TRIB1: variants seen among roughly 807,000 people sequenced by gnomAD.
TRIB1 encodes the protein tribbles homolog 1.
In TRIB1, 12 loss-of-function variants were observed where a neutral mutation model predicts 27.8. The ratio of observed to expected loss-of-function variants is 0.43; its 90% confidence interval spans 0.28 to 0.70. The LOEUF (loss-of-function observed/expected upper bound fraction) is 0.70, where lower values mean the gene tolerates loss of function less well. TRIB1 is among the 30% of genes least tolerant of loss of function. The pLI is 0.18. For synonymous variants in TRIB1, 230 were observed against 224.9 expected (o/e 1.02, Z -0.20); for missense variants, 475 against 515.8 (o/e 0.92, Z 0.77).
In TRIB1 at chr8:125,430,781, A is replaced by T; in HGVS notation, c.-122A>T. 1 of 1,263,676 alleles carries T rather than the reference A, an allele frequency of 7.9e-7. No individual in the cohort carries two copies. Among genetic ancestry groups the T allele is most frequent in the Non-Finnish European group, 1.0e-6 (1 of 986,482 alleles). The allele number at this position is 1,263,676 out of a possible 1,614,324, so 78.3% of individuals were successfully genotyped here. On this transcript the variant is annotated 5_prime_UTR_variant, in exon 1 of 3. Transcript: ENST00000311922. ...TGCCCCTCGTGGGGGCCGAGCCAAGACCAGTCTGCAAACTCCATCCCGCCG... is the reference window on the plus strand; with the variant it reads ...TGCCCCTCGTGGGGGCCGAGCCAAGTCCAGTCTGCAAACTCCATCCCGCCG...
At position 125,436,506 on chromosome 8, in the gene TRIB1, A is replaced by C; in HGVS notation, c.*35A>C. On this transcript the variant is annotated 3_prime_UTR_variant, in exon 3 of 3. Transcript: ENST00000311922. Reference sequence around the variant, plus strand: ...CCTCAGAAACCTCATAATTCTTAACACCTGGCATTTCCATTTCTAAAGATG... The same window carrying C: ...CCTCAGAAACCTCATAATTCTTAACCCCTGGCATTTCCATTTCTAAAGATG... 6.3e-7 allele frequency: 1 copy of C among 1,591,140 alleles called. No homozygotes were observed.
Position 125,433,761 on chromosome 8 carries a change from C to T in TRIB1, c.653+152C>T, listed in dbSNP as rs1425959025. 3 of 998,288 alleles carry T rather than the reference C, an allele frequency of 3.0e-6. No homozygotes were observed. The highest frequency in any genetic ancestry group is 3.3e-5 in the African/African-American group (2 of 61,232). 61.8% of individuals were successfully genotyped at this position (998,288 alleles called of 1,614,324 possible). On this transcript the variant is annotated intron_variant, in intron 2 of 2. Transcript: ENST00000311922. This position sits in a 1 kb window ranked among gnomAD's most constrained non-coding sequence, Gnocchi z 4.4. ...TAGAGCTTCTGTTCCTGAGGAGTCA[C>T]AGCCAAGGTTGGTTTATTCTGCATT...
In TRIB1 at chr8:125,431,143, G is replaced by T; in HGVS notation, c.241G>T (p.Gly81Cys). Residue 81 changes from glycine to cysteine, a missense_variant, in exon 1 of 3, where the codon GGC (glycine) becomes TGC (cysteine). Coordinates refer to ENST00000311922, the MANE Select transcript of TRIB1 (RefSeq NM_025195.4). Reference protein sequence around the residue: ...PPPAAPGAGGGSGSAPGPSRI... With the variant: ...PPPAAPGAGGCSGSAPGPSRI... Reference sequence around the variant, plus strand: ...GCCTGCCGCTCCGGGGGCCGGCGGAGGCTCCGGGAGCGCGCCGGGGCCCAG... The same window carrying T: ...GCCTGCCGCTCCGGGGGCCGGCGGATGCTCCGGGAGCGCGCCGGGGCCCAG... 1.5e-6 allele frequency: 2 copies of T among 1,311,516 alleles called. No individual in the cohort carries two copies. Among genetic ancestry groups the T allele is most frequent in the Non-Finnish European group, 1.9e-6 (2 of 1,037,880 alleles). 81.2% of individuals were successfully genotyped at this position (1,311,516 alleles called of 1,614,324 possible). A position where few individuals can be genotyped will look rare whatever the true frequency, so the allele number is the denominator to read the frequency against.
rs1814751495 is a variant in TRIB1, at chr8:125,436,434, A to T, written c.1082A>T (p.Tyr361Phe). ...ACTTCAGACCAGATTGTTCCAGAGTACCAGGAGGACAGTGACATTAGTTCC... is the reference window on the plus strand; with the variant it reads ...ACTTCAGACCAGATTGTTCCAGAGTTCCAGGAGGACAGTGACATTAGTTCC... ...IGTSDQIVPE[Y>F]QEDSDISSFF... The change falls in exon 3 of 3, where the codon TAC (tyrosine) becomes TTC (phenylalanine). Residue 361 changes from tyrosine (Y) to phenylalanine (F), a missense_variant. By Grantham distance (22) the Tyr-to-Phe change is conservative. Coordinates refer to ENST00000311922, the MANE Select transcript of TRIB1 (RefSeq NM_025195.4). 6.2e-7 allele frequency: 1 copy of T among 1,614,052 alleles called. No individual in the cohort carries two copies. Among genetic ancestry groups the T allele is most frequent in the African/African-American group, 1.3e-5 (1 of 75,010 alleles).
rs996242133 is a variant in TRIB1, at chr8:125,433,418, C to A, written c.462C>A (p.Thr154=). The change falls in exon 2 of 3, where the codon ACC becomes ACA. Residue 154 remains threonine (T), a synonymous_variant. Coordinates refer to ENST00000311922, the MANE Select transcript of TRIB1 (RefSeq NM_025195.4). This position sits in a 1 kb window ranked among gnomAD's most constrained non-coding sequence, Gnocchi z 4.4. ...TGIVEVILGE[T]KAYVFFEKDF... ...TTGTGGAAGTGATCCTTGGGGAAAC[C>A]AAGGCCTATGTCTTCTTTGAGAAGG... The A allele has an allele frequency of 6.2e-6, 10 of 1,614,214 alleles. No individual in the cohort carries two copies. Among genetic ancestry groups the A allele is most frequent in the Non-Finnish European group, 8.5e-6 (10 of 1,180,044 alleles).
At chr8:125,431,408 T>C (rs1814654416) in intron 1 of TRIB1, 146 bp downstream of exon 1, 1 of 953,074 alleles carries the variant, frequency 1.0e-6, no homozygotes, top group Non-Finnish European at 1.4e-6. Flanking sequence ...TTGACCAGGT[T>C]CACGTTTTTG....
In TRIB1 at chr8:125,433,933, C is replaced by T. The variant is rs1469814673; in HGVS notation, c.653+324C>T. On this transcript the variant is annotated intron_variant, in intron 2 of 2. Transcript: ENST00000311922. This position sits in a 1 kb window ranked among gnomAD's most constrained non-coding sequence, Gnocchi z 4.4. ...GTCTGGGGTACAAATATTAAACTGC[C>T]CTTTACGATATTGCCTTCTGAAGGA... 1.3e-5 allele frequency among the ~76,000 whole-genome samples: 2 copies of T among 152,164 alleles called. No individual in the cohort carries two copies. The highest frequency in any genetic ancestry group is 4.8e-5 in the African/African-American group (2 of 41,434).
chr8:125,434,438 T>G (rs1814713192), intron 2 of TRIB1, among the ~76,000 whole-genome samples: 1 of 152,240 alleles, frequency 6.6e-6, no homozygotes, highest in Non-Finnish European at 1.5e-5. Flanking sequence ...TTATCTCACC[T>G]GTGCATTTTT....
At position 125,430,960 on chromosome 8, in the gene TRIB1, G is replaced by A; in HGVS notation, c.58G>A (p.Ala20Thr). Residue 20 changes from alanine (A) to threonine (T), a missense_variant, in exon 1 of 3, where the codon GCC becomes ACC. By Grantham distance (58) the Ala-to-Thr change is moderately conservative. Transcript: ENST00000311922. ...CGGCGCCTCGCAGCCCCGCGGCCCG[G>A]CCCTGCTCTTCCCAGCCACCCGAGG... ...MSGASQPRGP[A>T]LLFPATRGVP... is the part of the protein sequence containing the mutation. 6.8e-7 allele frequency: 1 copy of A among 1,473,206 alleles called. No individual in the cohort carries two copies. The highest frequency in any genetic ancestry group is 2.5e-5 in the Admixed American group (1 of 40,190). The allele number at this position is 1,473,206 out of a possible 1,614,324, so 91.3% of individuals were successfully genotyped here.
chr8:125,436,278 C>T lies in TRIB1; in HGVS notation c.926C>T (p.Pro309Leu), dbSNP rs1162161939. 2.5e-6 allele frequency: 4 copies of T among 1,614,012 alleles called. No homozygotes were observed. Among genetic ancestry groups the T allele is most frequent in the African/African-American group, 1.3e-5 (1 of 74,898 alleles). The change falls in exon 3 of 3, where the codon CCC becomes CTC. Residue 309 changes from proline (P) to leucine (L), a missense_variant. Physicochemically the swap from Pro to Leu is moderately conservative, Grantham distance 98 (BLOSUM62 -3). Transcript: ENST00000311922. ...GQFCIPEHIS[P>L]KARCLIRSLL... Reference sequence around the variant, plus strand: ...TTCTGCATTCCTGAGCACATTTCCCCCAAAGCCAGGTGCCTCATTCGCAGC... The same window carrying T: ...TTCTGCATTCCTGAGCACATTTCCCTCAAAGCCAGGTGCCTCATTCGCAGC...
In TRIB1 at chr8:125,436,332, T is replaced by C. The variant is rs756127642; in HGVS notation, c.980T>C (p.Leu327Pro). 6.2e-7 allele frequency: 1 copy of C among 1,613,614 alleles called. No homozygotes were observed. The highest frequency in any genetic ancestry group is 8.5e-7 in the Non-Finnish European group (1 of 1,179,888). The part of the protein sequence containing the change: ...SLLRREPSER[L>P]TAPEILLHPW... Reference sequence around the variant, plus strand: ...TTGAGACGGGAGCCCTCCGAGAGACTCACTGCCCCCGAGATCCTACTGCAC... The same window carrying C: ...TTGAGACGGGAGCCCTCCGAGAGACCCACTGCCCCCGAGATCCTACTGCAC... The change falls in exon 3 of 3, where the codon CTC becomes CCC. Residue 327 changes from leucine to proline, a missense_variant. Leu to Pro is a moderately conservative substitution (Grantham distance 98). Coordinates refer to ENST00000311922, the MANE Select transcript of TRIB1 (RefSeq NM_025195.4).
chr8:125,433,756 A>C lies in TRIB1; in HGVS notation c.653+147A>C, dbSNP rs910794241. The C allele has an allele frequency of 9.7e-7, 1 of 1,029,762 alleles. No individual in the cohort carries two copies. Among genetic ancestry groups the C allele is most frequent in the Non-Finnish European group, 1.4e-6 (1 of 727,852 alleles). 63.8% of individuals were successfully genotyped at this position (1,029,762 alleles called of 1,614,324 possible). ...GTATTTAGAGCTTCTGTTCCTGAGGAGTCACAGCCAAGGTTGGTTTATTCT... is the reference window on the plus strand; with the variant it reads ...GTATTTAGAGCTTCTGTTCCTGAGGCGTCACAGCCAAGGTTGGTTTATTCT... On this transcript the variant is annotated intron_variant, in intron 2 of 2. Coordinates refer to ENST00000311922, the MANE Select transcript of TRIB1 (RefSeq NM_025195.4). This position sits in a 1 kb window ranked among gnomAD's most constrained non-coding sequence, Gnocchi z 4.4.
Position 125,433,188 on chromosome 8 carries a change from G to C in TRIB1, c.361-129G>C, listed in dbSNP as rs1814689186. ...CGTAAGGTAAGGTGGCAGAGGAAAG[G>C]AGTAGGTGAATGGAACTTACTCACA... On this transcript the variant is annotated intron_variant, in intron 1 of 2. Coordinates refer to ENST00000311922, the MANE Select transcript of TRIB1 (RefSeq NM_025195.4). This position sits in a 1 kb window ranked among gnomAD's most constrained non-coding sequence, Gnocchi z 4.4. 1 of 977,596 alleles carries C rather than the reference G, an allele frequency of 1.0e-6. No homozygotes were observed. The highest frequency in any genetic ancestry group is 1.5e-6 in the Non-Finnish European group (1 of 655,560). 60.6% of individuals were successfully genotyped at this position (977,596 alleles called of 1,614,324 possible).
Position 125,430,727 on chromosome 8 carries a change from A to C in TRIB1, c.-176A>C. 1 of 840,194 alleles carries C rather than the reference A, an allele frequency of 1.2e-6. No homozygotes were observed. The highest frequency in any genetic ancestry group is 1.6e-6 in the Non-Finnish European group (1 of 618,236). The allele number at this position is 840,194 out of a possible 1,614,324, so 52.0% of individuals were successfully genotyped here. On this transcript the variant is annotated 5_prime_UTR_variant, in exon 1 of 3. Transcript: ENST00000311922. The stretch of plus-strand genomic sequence containing the variant: ...ACAGCCAGCGTGGTCCCCGCGTGCA[A>C]CGCGAGCGCCGGGGAGTGGCTCCTG...
At chr8:125,434,790 A>G (rs565556214) in intron 2 of TRIB1, among the ~76,000 whole-genome samples, 8 of 152,090 alleles carry the variant, frequency 5.3e-5, no homozygotes, top group Admixed American at 3.9e-4. Flanking sequence ...GCAGCCAATC[A>G]GGGGCAGACA....
chr8:125,433,994 T>C lies in TRIB1; in HGVS notation c.653+385T>C, dbSNP rs1690058654. Among the ~76,000 whole-genome samples, 1 of 152,204 alleles carries C rather than the reference T, an allele frequency of 6.6e-6. No homozygotes were observed. Among genetic ancestry groups the C allele is most frequent in the South Asian group, 2.1e-4 (1 of 4,836 alleles). On this transcript the variant is annotated intron_variant, in intron 2 of 2. Coordinates refer to ENST00000311922, the MANE Select transcript of TRIB1 (RefSeq NM_025195.4). The surrounding 1 kb of genome is among the most constrained non-coding windows in gnomAD (Gnocchi z 4.4). ...TCTTTGCTTATGCCAAGTGCTGTTTTGTACCTGGAAGGTTTCACAGAGCTA... is the reference window on the plus strand; with the variant it reads ...TCTTTGCTTATGCCAAGTGCTGTTTCGTACCTGGAAGGTTTCACAGAGCTA...
chr8:125,432,924 C>G (rs72647338), intron 1 of TRIB1: 145 of 178,886 alleles, frequency 8.1e-4, no homozygotes, highest in Middle Eastern at 2.7e-3. Flanking sequence ...CTTTTCAGCT[C>G]CTGGACAGGC....
In TRIB1 at chr8:125,437,225, G is replaced by A. The variant is rs1460633416; in HGVS notation, c.*754G>A. 6.6e-6 allele frequency: 1 copy of A among 152,354 alleles called. No individual in the cohort carries two copies. Among genetic ancestry groups the A allele is most frequent in the African/African-American group, 2.4e-5 (1 of 41,450 alleles). The allele number at this position is 152,354 out of a possible 1,614,324, so 9.4% of individuals were successfully genotyped here. On this transcript the variant is annotated 3_prime_UTR_variant, in exon 3 of 3. Coordinates refer to ENST00000311922, the MANE Select transcript of TRIB1 (RefSeq NM_025195.4). ...CAACGATTTCAGAACTCTGAGCTCA[G>A]AGAGACTCCAGATTTTAAAAAATAA...
rs928588800 is a variant in TRIB1, at chr8:125,433,208, C to A, written c.361-109C>A. 1 of 1,203,758 alleles carries A rather than the reference C, an allele frequency of 8.3e-7. No individual in the cohort carries two copies. The allele number at this position is 1,203,758 out of a possible 1,614,324, so 74.6% of individuals were successfully genotyped here. ...GAAAGGAGTAGGTGAATGGAACTTACTCACATCCTAAGCCCACAGGTTGAG... is the reference window on the plus strand; with the variant it reads ...GAAAGGAGTAGGTGAATGGAACTTAATCACATCCTAAGCCCACAGGTTGAG... On this transcript the variant is annotated intron_variant, in intron 1 of 2. Transcript: ENST00000311922. This position sits in a 1 kb window ranked among gnomAD's most constrained non-coding sequence, Gnocchi z 4.4.
Sources: allele counts gnomAD v4.1 joint callset (sites outside exome capture counted in the v4.1 genomes callset), GRCh38; gene constraint gnomAD v4.1.1; non-coding constraint Gnocchi (gnomAD v3.1); transcripts MANE v1.5; gene names NCBI Gene and HGNC (gene_info 2026-07-23, HGNC 2026-07-21).